ABL2: variants seen among roughly 807,000 people sequenced by gnomAD.
ABL2 encodes the protein tyrosine-protein kinase ABL2.
In ABL2, 49 loss-of-function variants were observed where a neutral mutation model predicts 107.7. The ratio of observed to expected loss-of-function variants is 0.45; its 90% confidence interval spans 0.36 to 0.58. ABL2 has a LOEUF of 0.58. Among genes scored for constraint, ABL2 ranks in the 20% least tolerant of loss-of-function variants. The probability of loss-of-function intolerance (pLI) is 0.00; values close to 1 mark genes in which losing one functional copy is unlikely to be tolerated. For missense variants in ABL2, 1,245 were observed against 1,457.0 expected, an observed-to-expected ratio of 0.85 and a Z score of 2.37; for synonymous variants, 549 against 548.6, an observed-to-expected ratio of 1.00 and a Z score of -0.01.
intron 1 of ABL2, among the ~76,000 whole-genome samples, chr1:179,141,587 C>T (rs1239531512): frequency 2.0e-5 from 3 of 152,258 alleles, no homozygotes; most frequent in East Asian, 3.9e-4. Context: ...GGCCAAAGTA[C>T]TAAAAGAACC....
Position 179,229,362 on chromosome 1 carries a change from C to T in ABL2, c.36G>A (p.Pro12=), listed in dbSNP as rs777771003. ...GQQVGRVGEA[P]GLQQPQPRGI... is the part of the protein sequence containing the mutation. ...CGCGGGGCTGAGGCTGCTGGAGCCCCGGAGCTTCCCCGACGCGGCCCACCT... is the reference window on the plus strand; with the variant it reads ...CGCGGGGCTGAGGCTGCTGGAGCCCTGGAGCTTCCCCGACGCGGCCCACCT... The change falls in exon 1 of 12, where the codon CCG becomes CCA. Residue 12 remains proline (P), a synonymous_variant. Transcript: ENST00000502732. 6.4e-7 allele frequency: 1 copy of T among 1,573,940 alleles called. No homozygotes were observed. The highest frequency in any genetic ancestry group is 8.6e-7 in the Non-Finnish European group (1 of 1,164,902).
chr1:179,209,881 A>AT (rs1271842474), intron 1 of ABL2, among the ~76,000 whole-genome samples: 1 of 152,104 alleles, frequency 6.6e-6, no homozygotes, highest in Admixed American at 6.6e-5. Flanking sequence ...AAACATGTTT[A>AT]TTTTTGTTTT....
At chr1:179,208,156 A>AT in intron 1 of ABL2, among the ~76,000 whole-genome samples, 1 of 152,140 alleles carries the variant, frequency 6.6e-6, no homozygotes, top group Admixed American at 6.6e-5. Flanking sequence ...TTATATATAT[A>AT]TTTTTTCAAC....
chr1:179,165,952 C>A (rs556558342), intron 1 of ABL2, among the ~76,000 whole-genome samples: 1 of 152,034 alleles, frequency 6.6e-6, no homozygotes, highest in Non-Finnish European at 1.5e-5. Flanking sequence ...CATGCTACCA[C>A]GCCCAGCTAA....
chr1:179,131,479 C>A lies in ABL2; in HGVS notation c.223G>T (p.Ala75Ser). The change falls in exon 3 of 12, where the codon GCT becomes TCT. Residue 75 changes from alanine to serine, a missense_variant and splice_region_variant. Ala to Ser is a moderately conservative substitution (Grantham distance 99). This residue lies in a region of ABL2 where 164 missense variants were observed against 143.7 expected (regional missense o/e 1.14). Transcript: ENST00000502732. ...TCACAACCATAGGGACGATGCAAAGCTTCTGAAAGACATAAGAAGGGAAGG... is the reference window on the plus strand; with the variant it reads ...TCACAACCATAGGGACGATGCAAAGATTCTGAAAGACATAAGAAGGGAAGG... ...GDKTGGSSPE[A>S]LHRPYGCDVE... The A allele has an allele frequency of 6.2e-7, 1 of 1,613,380 alleles. No homozygotes were observed. The highest frequency in any genetic ancestry group is 1.3e-5 in the African/African-American group (1 of 75,016).
chr1:179,117,331 C>T lies in ABL2; in HGVS notation c.1408+1G>A, dbSNP rs1321600026. 3 of 1,613,772 alleles carry T rather than the reference C, an allele frequency of 1.9e-6. No individual in the cohort carries two copies. The highest frequency in any genetic ancestry group is 1.1e-5 in the South Asian group (1 of 91,076). Reference sequence around the variant, plus strand: ...CAGAAAAAAGTCCCTTTCAACCTTACCCCAGACGTCAGATTTAATTGAGAA... The same window carrying T: ...CAGAAAAAAGTCCCTTTCAACCTTATCCCAGACGTCAGATTTAATTGAGAA... On this transcript the variant is annotated splice_donor_variant, in intron 8 of 11. Transcript: ENST00000502732. LOFTEE classifies it high-confidence loss of function.
chr1:179,186,440 G>T (rs567418633), intron 1 of ABL2, among the ~76,000 whole-genome samples: 1 of 152,028 alleles, frequency 6.6e-6, no homozygotes, highest in Admixed American at 6.6e-5. Flanking sequence ...GTGCAATGGC[G>T]TGATCTTGGC....
Position 179,101,474 on chromosome 1 carries a change from T to C in ABL2, c.*6244A>G, listed in dbSNP as rs1029685097. ...TCACTGCAACCTCCGCCTCCTGGGT[T>C]CAAGCAATTCTGCCTCAGCCTCGGG... On this transcript the variant is annotated 3_prime_UTR_variant, in exon 12 of 12. Coordinates refer to ENST00000502732, the MANE Select transcript of ABL2 (RefSeq NM_007314.4). The C allele has an allele frequency of 4.5e-5, 8 of 177,120 alleles. No individual in the cohort carries two copies. The highest frequency in any genetic ancestry group is 1.9e-4 in the African/African-American group (8 of 42,108). 11.0% of individuals were successfully genotyped at this position (177,120 alleles called of 1,614,324 possible).
chr1:179,173,752 A>C (rs1659864012), intron 1 of ABL2, among the ~76,000 whole-genome samples: 1 of 152,178 alleles, frequency 6.6e-6, no homozygotes, highest in Non-Finnish European at 1.5e-5. Flanking sequence ...AAGAGACTTA[A>C]GATAACGGAT....
chr1:179,108,284 G>A lies in ABL2; in HGVS notation c.2983C>T (p.His995Tyr). The A allele has an allele frequency of 1.9e-6, 3 of 1,614,074 alleles. No homozygotes were observed. The highest frequency in any genetic ancestry group is 1.3e-5 in the African/African-American group (1 of 75,016). The stretch of plus-strand genomic sequence containing the variant: ...GTAGGGTCTGAGCAGATGGACGGAT[G>A]CTGCAGTAGTCTCATCACTGGTGGT... The part of the protein sequence containing the change: ...PPPPVMRLLQ[H>Y]PSICSDPTEE... The change falls in exon 12 of 12, where the codon CAT (histidine) becomes TAT (tyrosine). Residue 995 changes from histidine to tyrosine, a missense_variant. Transcript: ENST00000502732.
intron 1 of ABL2, among the ~76,000 whole-genome samples, chr1:179,180,189 T>G (rs1660291030): frequency 6.6e-6 from 1 of 152,048 alleles, no homozygotes; most frequent in African/African-American, 2.4e-5. Flanking sequence ...CAGGCTATAT[T>G]TACAGGCCCA....
At chr1:179,189,633 G>C (rs1009654985) in intron 1 of ABL2, among the ~76,000 whole-genome samples, 3 of 152,070 alleles carry the variant, frequency 2.0e-5, no homozygotes, top group African/African-American at 4.8e-5. Flanking sequence ...GGAGTCTGAG[G>C]ATAGAAAAAA....
rs10913692 is a variant in ABL2 at position 179,105,734 on chromosome 1, T to C, written c.*1984A>G. 8.9e-5 allele frequency: 20 copies of C among 225,834 alleles called. No individual in the cohort carries two copies. Among genetic ancestry groups the C allele is most frequent in the Non-Finnish European group, 1.6e-4 (18 of 113,486 alleles). The allele number at this position is 225,834 out of a possible 1,614,324, so 14.0% of individuals were successfully genotyped here. ...GGTAAGAATCAAGGTTTCCTTTCTT[T>C]CCAATGAAAACTCAATTTTGTTCTT... On this transcript the variant is annotated 3_prime_UTR_variant, in exon 12 of 12. Coordinates refer to ENST00000502732, the MANE Select transcript of ABL2 (RefSeq NM_007314.4).
chr1:179,220,085 C>T (rs1057365101), intron 1 of ABL2, among the ~76,000 whole-genome samples: 2 of 152,200 alleles, frequency 1.3e-5, no homozygotes, highest in African/African-American at 4.8e-5. Context: ...GATTTTAAAA[C>T]CCACATTCTC....
chr1:179,160,096 AGAGT>A (rs1345725627), intron 1 of ABL2, among the ~76,000 whole-genome samples: 2 of 152,234 alleles, frequency 1.3e-5, no homozygotes, highest in Admixed American at 6.5e-5. Context: ...CCTGGGTGAC[AGAGT>A]GAGACTCCAC....
intron 3 of ABL2, among the ~76,000 whole-genome samples, chr1:179,130,196 C>G (rs1369478816): frequency 6.6e-6 from 1 of 152,218 alleles, no homozygotes; most frequent in Non-Finnish European, 1.5e-5. Context: ...CCAGCCTCGG[C>G]TTCCCAAAGT....
chr1:179,160,968 A>C (rs1256126571), intron 1 of ABL2, among the ~76,000 whole-genome samples: 2 of 152,110 alleles, frequency 1.3e-5, no homozygotes, highest in Non-Finnish European at 1.5e-5. Flanking sequence ...ACCTGGCCTC[A>C]AGCAATCCTC....
Position 179,218,968 on chromosome 1 carries a change from T to C in ABL2, c.157+10273A>G, listed in dbSNP as rs75609026. Among the ~76,000 whole-genome samples, 699 of 152,344 alleles carry C rather than the reference T, an allele frequency of 4.6e-3. 7 individuals carry two copies. Among genetic ancestry groups the C allele is most frequent in the African/African-American group, 0.016 (668 of 41,574 alleles). On this transcript the variant is annotated intron_variant, in intron 1 of 11. Coordinates refer to ENST00000502732, the MANE Select transcript of ABL2 (RefSeq NM_007314.4). ...AACATGGAAAAGGTTCTTAAGTATT[T>C]TGAAATCTCTGTATGTGCAGTGCCA...
At chr1:179,168,384 A>ATT (rs142637024) in intron 1 of ABL2, among the ~76,000 whole-genome samples, 1 of 149,374 alleles carries the variant, frequency 6.7e-6, no homozygotes, top group Non-Finnish European at 1.5e-5. Context: ...TGTATTTGTT[A>ATT]TTTTTTTTTT....
Sources: allele counts gnomAD v4.1 joint callset (sites outside exome capture counted in the v4.1 genomes callset), GRCh38; gene constraint gnomAD v4.1.1; regional missense constraint gnomAD v4.1.1; transcripts MANE v1.5; gene names NCBI Gene and HGNC (gene_info 2026-07-23, HGNC 2026-07-21).